The following PLCH1 variants were observed in gnomAD, a reference collection of about 807,000 sequenced individuals.
The protein encoded by PLCH1 is 1-phosphatidylinositol 4,5-bisphosphate phosphodiesterase eta-1.
A neutral mutation model predicts 126.7 loss-of-function variants in PLCH1; 60 were observed. The ratio of observed to expected loss-of-function variants is 0.47; its 90% CI spans 0.38 to 0.59. The LOEUF is 0.59. Among genes scored for constraint, PLCH1 ranks in the 20% least tolerant of loss-of-function variants. The pLI is 0.00. For synonymous variants in PLCH1, 719 were observed against 734.9 expected (o/e 0.98, Z 0.35); for missense variants, 1,723 against 2,040.0 (o/e 0.84, Z 2.99).
chr3:155,594,242 G>A, intron 3 of PLCH1, 58 bp from the exon 4 acceptor site: 1 of 1,499,958 alleles, frequency 6.7e-7, no homozygotes, highest in Non-Finnish European at 9.1e-7. Flanking sequence ...TTCTTTACAT[G>A]CACTAAGAAA....
intron 2 of PLCH1, among the ~76,000 whole-genome samples, chr3:155,684,671 A>T (rs1223684351): frequency 6.6e-6 from 1 of 152,206 alleles, no homozygotes; most frequent in Non-Finnish European, 1.5e-5. Flanking sequence ...AAGAAAACCA[A>T]GGAAAGAGAT....
At chr3:155,648,941 G>A (rs1451142071) in intron 2 of PLCH1, among the ~76,000 whole-genome samples, 1 of 152,198 alleles carries the variant, frequency 6.6e-6, no homozygotes, top group African/African-American at 2.4e-5. Context: ...GGGAGGGGAG[G>A]CAGGGCCAAC....
intron 6 of PLCH1, among the ~76,000 whole-genome samples, chr3:155,576,882 G>C (rs1323618738): frequency 6.6e-6 from 1 of 152,084 alleles, no homozygotes; most frequent in East Asian, 1.9e-4. Context: ...TATTTTCTTA[G>C]GATGAATTAT....
chr3:155,693,390 G>A (rs1360273862), intron 2 of PLCH1, among the ~76,000 whole-genome samples: 1 of 44,844 alleles, frequency 2.2e-5, no homozygotes, highest in Non-Finnish European at 3.5e-5. Context: ...GCGTGAACCC[G>A]GGAAGCGGAG....
At chr3:155,634,763 A>G (rs1310000738) in intron 2 of PLCH1, among the ~76,000 whole-genome samples, 1 of 152,228 alleles carries the variant, frequency 6.6e-6, no homozygotes, top group Non-Finnish European at 1.5e-5. Context: ...ACAGAAAGAA[A>G]GGGAGAACTG....
At chr3:155,493,491 G>A (rs868219447) in intron 17 of PLCH1, among the ~76,000 whole-genome samples, 2 of 152,040 alleles carry the variant, frequency 1.3e-5, no homozygotes, top group African/African-American at 2.4e-5. Flanking sequence ...GGGTTCCAGC[G>A]ATTCTCCTAC....
At chr3:155,496,097 T>C (rs1716991347) in intron 15 of PLCH1, among the ~76,000 whole-genome samples, 1 of 152,186 alleles carries the variant, frequency 6.6e-6, no homozygotes. Context: ...AGTATATTAA[T>C]AGAGTTGAGT....
At chr3:155,474,970 T>C (rs1713467545), downstream of PLCH1, among the ~76,000 whole-genome samples, 1 of 137,760 alleles carries the variant, frequency 7.3e-6, no homozygotes, top group Non-Finnish European at 1.6e-5. Flanking sequence ...GAGATATACC[T>C]AATGCTAGAT....
intron 21 of PLCH1, among the ~76,000 whole-genome samples, chr3:155,453,222 T>C (rs1423391910): frequency 2.0e-5 from 3 of 152,118 alleles, no homozygotes; most frequent in Non-Finnish European, 4.4e-5. Context: ...CTTTCACAGA[T>C]GGAAGGAAAT....
intron 2 of PLCH1, among the ~76,000 whole-genome samples, chr3:155,674,034 T>C (rs758801240): frequency 4.6e-5 from 7 of 152,218 alleles, no homozygotes; most frequent in African/African-American, 7.2e-5. Flanking sequence ...CCTTGTGAGG[T>C]AAGCAAGAAA....
chr3:155,696,222 G>A (rs191669623), intron 2 of PLCH1, among the ~76,000 whole-genome samples: 1 of 152,266 alleles, frequency 6.6e-6, no homozygotes, highest in East Asian at 1.9e-4. Flanking sequence ...AAACATATTT[G>A]CTGAAAGGAA....
rs146650053 is a variant in PLCH1, at chr3:155,670,700, C to T, written c.79+33446G>A. ...GTGTAATCTATCTTTCATAGCATTT[C>T]TAGACTCTTTTTCCCAAAATACCAC... On this transcript the variant is annotated intron_variant, in intron 2 of 22. Coordinates refer to ENST00000460012, the MANE Select transcript of PLCH1 (RefSeq NM_014996.4). 4.6e-3 allele frequency among the ~76,000 whole-genome samples: 700 copies of T among 152,240 alleles called. 6 individuals are homozygous for T. Among genetic ancestry groups the T allele is most frequent in the African/African-American group, 0.016 (672 of 41,550 alleles).
intron 6 of PLCH1, among the ~76,000 whole-genome samples, chr3:155,578,529 C>T (rs1159516511): frequency 6.6e-6 from 1 of 152,142 alleles, no homozygotes; most frequent in Non-Finnish European, 1.5e-5. Context: ...ACAATAGTTA[C>T]CTCATTAGCA....
intron 2 of PLCH1, chr3:155,658,526 T>TGGA (rs1480417618): frequency 6.6e-6 from 1 of 152,262 alleles, no homozygotes; most frequent in Non-Finnish European, 1.5e-5. Context: ...TAGAAAGATG[T>TGGA]GGACTTGCAC....
chr3:155,556,961 G>A (rs359554), intron 8 of PLCH1, among the ~76,000 whole-genome samples: 78,734 of 152,054 alleles, frequency 0.52, 22,787 homozygotes, highest in Non-Finnish European at 0.66. Context: ...AACACTGGCT[G>A]TTCAAATATC....
chr3:155,716,986 T>C (rs553863779), intron 1 of PLCH1, among the ~76,000 whole-genome samples: 1 of 152,240 alleles, frequency 6.6e-6, no homozygotes, highest in South Asian at 2.1e-4. Flanking sequence ...GTTACAGGGG[T>C]GGTACCAGCA....
Position 155,649,996 on chromosome 3 carries a change from A to G in PLCH1, c.80-53618T>C, listed in dbSNP as rs1003418553. 4.6e-5 allele frequency among the ~76,000 whole-genome samples: 7 copies of G among 152,182 alleles called. No homozygotes were observed. In the South Asian group the frequency reaches 1.2e-3, roughly 27 times the overall value. ...CCTTCTCAAAAAAAAAAGAAGTAGAATTAACAAGACTCGGGGAGTGAGTGC... is the reference window on the plus strand; with the variant it reads ...CCTTCTCAAAAAAAAAAGAAGTAGAGTTAACAAGACTCGGGGAGTGAGTGC... On this transcript the variant is annotated intron_variant, in intron 2 of 22. Coordinates refer to ENST00000460012, the MANE Select transcript of PLCH1 (RefSeq NM_014996.4).
At chr3:155,453,212 C>T (rs1167770867) in intron 21 of PLCH1, among the ~76,000 whole-genome samples, 1 of 152,112 alleles carries the variant, frequency 6.6e-6, no homozygotes, top group Non-Finnish European at 1.5e-5. Flanking sequence ...GGCTAAGGAA[C>T]TTTCACAGAT....
chr3:155,635,718 C>T (rs981778925), intron 2 of PLCH1, among the ~76,000 whole-genome samples: 1 of 152,156 alleles, frequency 6.6e-6, no homozygotes, highest in African/African-American at 2.4e-5. Flanking sequence ...CCATGCCTTG[C>T]GGTAGAGCAT....
Sources: gnomAD v4.1 joint callset for allele counts (sites outside exome capture counted in the v4.1 genomes callset) on GRCh38, gnomAD v4.1.1 for gene constraint, MANE v1.5 for transcripts, NCBI Gene and HGNC (gene_info 2026-07-23, HGNC 2026-07-21) for gene names.